FBXL17: variants seen among roughly 807,000 people sequenced by gnomAD.
FBXL17 encodes F-box and leucine rich repeat protein 17, also known as F-box/LRR-repeat protein 17.
FBXL17 carries 22 observed loss-of-function variants against 66.2 expected under a neutral mutation model. That is an observed-to-expected ratio of 0.33 (90% CI 0.24 to 0.47). FBXL17 has a LOEUF of 0.47. Among genes scored for constraint, FBXL17 ranks in the 20% least tolerant of loss-of-function variants. The probability of loss-of-function intolerance (pLI) is 1.00; values close to 1 mark genes in which losing one functional copy is unlikely to be tolerated. For missense variants in FBXL17, 878 were observed against 948.2 expected (o/e 0.93, Z 0.97); for synonymous variants, 474 against 400.5 (o/e 1.18, Z -2.19).
At chr5:107,895,357 T>G (rs190994490) in intron 7 of FBXL17, among the ~76,000 whole-genome samples, 4 of 152,134 alleles carry the variant, frequency 2.6e-5, no homozygotes, top group African/African-American at 9.7e-5. Flanking sequence ...TATAGATAGG[T>G]GCATCAGTTT....
At chr5:107,959,264 G>C (rs1444185614) in intron 7 of FBXL17, among the ~76,000 whole-genome samples, 1 of 152,062 alleles carries the variant, frequency 6.6e-6, no homozygotes, top group Non-Finnish European at 1.5e-5. Context: ...TTTGTGTACA[G>C]AGGGGTAGTC....
chr5:108,364,195 C>A (rs1440152091), intron 3 of FBXL17, among the ~76,000 whole-genome samples: 1 of 151,968 alleles, frequency 6.6e-6, no homozygotes, highest in East Asian at 1.9e-4. Context: ...AAATAATCCA[C>A]TCCGAGCCAA....
intron 6 of FBXL17, among the ~76,000 whole-genome samples, chr5:108,122,362 T>C (rs1750537324): frequency 6.6e-6 from 1 of 152,236 alleles, no homozygotes; most frequent in Non-Finnish European, 1.5e-5. Flanking sequence ...CTTGATTTCA[T>C]GTTCTTAACC....
chr5:108,273,214 A>G (rs1757347374), intron 4 of FBXL17, among the ~76,000 whole-genome samples: 1 of 152,190 alleles, frequency 6.6e-6, no homozygotes, highest in Admixed American at 6.5e-5. Flanking sequence ...GAGGCGGGAT[A>G]GCATTAGGAG....
At chr5:108,334,768 T>A (rs1361420185) in intron 4 of FBXL17, among the ~76,000 whole-genome samples, 2 of 152,230 alleles carry the variant, frequency 1.3e-5, no homozygotes, top group Non-Finnish European at 2.9e-5. Context: ...CAATACATTG[T>A]AATTCAACTA....
chr5:107,885,442 T>G (rs543878782), intron 7 of FBXL17, among the ~76,000 whole-genome samples: 1 of 152,276 alleles, frequency 6.6e-6, no homozygotes, highest in East Asian at 1.9e-4. Context: ...AGTACAAAAT[T>G]ACTTCCGTAT....
chr5:107,875,047 T>C (rs1303809815), intron 8 of FBXL17, among the ~76,000 whole-genome samples: 4 of 152,124 alleles, frequency 2.6e-5, no homozygotes, highest in South Asian at 2.1e-4. Context: ...GACTGCACAG[T>C]CTGACACTCC....
intron 3 of FBXL17, among the ~76,000 whole-genome samples, chr5:108,362,044 C>G (rs959336634): frequency 6.6e-6 from 1 of 152,120 alleles, no homozygotes; most frequent in East Asian, 1.9e-4. Context: ...AAACCTTTGA[C>G]GTTTCCAGAG....
intron 6 of FBXL17, among the ~76,000 whole-genome samples, chr5:108,153,282 G>A (rs1751840900): frequency 6.6e-6 from 1 of 152,040 alleles, no homozygotes; most frequent in Non-Finnish European, 1.5e-5. Context: ...ATTGAATCTT[G>A]AAATATGGAT....
At chr5:107,946,253 TTTTATATATATATATATATA>T (rs1234763407) in intron 7 of FBXL17, among the ~76,000 whole-genome samples, 1 of 63,490 alleles carries the variant, frequency 1.6e-5, no homozygotes, top group Non-Finnish European at 3.1e-5. Flanking sequence ...ATCAATCTCA[TTTTATATATATATATATATA>T]TATATATATA....
intron 6 of FBXL17, among the ~76,000 whole-genome samples, chr5:108,083,856 G>C (rs1441467508): frequency 6.6e-6 from 1 of 152,096 alleles, no homozygotes; most frequent in Non-Finnish European, 1.5e-5. Flanking sequence ...ACAGGGACCT[G>C]GGCCTGGAAT....
chr5:108,225,801 G>T (rs1755076276), intron 4 of FBXL17, among the ~76,000 whole-genome samples: 2 of 152,212 alleles, frequency 1.3e-5, no homozygotes, highest in South Asian at 2.1e-4. Flanking sequence ...CTCATTCATT[G>T]TCACTATCCT....
chr5:108,014,166 A>G (rs1281071737), intron 7 of FBXL17, among the ~76,000 whole-genome samples: 1 of 152,178 alleles, frequency 6.6e-6, no homozygotes, highest in Non-Finnish European at 1.5e-5. Context: ...TACCTATAGA[A>G]GACTGTTTCA....
intron 7 of FBXL17, among the ~76,000 whole-genome samples, chr5:107,975,587 T>C (rs139084880): frequency 4.5e-4 from 68 of 152,274 alleles, no homozygotes; most frequent in African/African-American, 1.6e-3. Flanking sequence ...CACTCTATTA[T>C]ATTAAAAAGT....
chr5:107,938,689 T>C lies in FBXL17; in HGVS notation c.1823-57510A>G, dbSNP rs946685164. 2.0e-5 allele frequency among the ~76,000 whole-genome samples: 3 copies of C among 152,118 alleles called. No individual in the cohort carries two copies. The East Asian group carries it at 5.8e-4, about 29-fold the overall frequency. ...TCTGCTTAGTGGTGATATATTAGTA[T>C]ACTCTCCAGAGAGCTTCCAACCCGA... On this transcript the variant is annotated intron_variant, in intron 7 of 8. Coordinates refer to ENST00000542267, the MANE Select transcript of FBXL17 (RefSeq NM_001163315.3).
At chr5:108,349,988 C>A (rs1747538946) in intron 3 of FBXL17, among the ~76,000 whole-genome samples, 1 of 152,156 alleles carries the variant, frequency 6.6e-6, no homozygotes, top group Admixed American at 6.5e-5. Flanking sequence ...ATCACTGTTG[C>A]AGATACCTTG....
At chr5:107,869,570 C>T (rs894928153) in intron 8 of FBXL17, among the ~76,000 whole-genome samples, 2 of 152,170 alleles carry the variant, frequency 1.3e-5, no homozygotes, top group African/African-American at 2.4e-5. Context: ...TTTCCAGGAT[C>T]CTGCACAGCT....
At chr5:108,322,729 T>C (rs1759674973) in intron 4 of FBXL17, among the ~76,000 whole-genome samples, 2 of 151,928 alleles carry the variant, frequency 1.3e-5, no homozygotes, top group Non-Finnish European at 2.9e-5. Context: ...TAAATTTCCA[T>C]CAATAATTTA....
At chr5:107,927,354 C>T (rs1750558371) in intron 7 of FBXL17, among the ~76,000 whole-genome samples, 3 of 152,088 alleles carry the variant, frequency 2.0e-5, no homozygotes, top group South Asian at 4.1e-4. Context: ...AATGCAATGG[C>T]TACTCTGACT....
Sources: gnomAD v4.1 joint callset for allele counts (sites outside exome capture counted in the v4.1 genomes callset) on GRCh38, gnomAD v4.1.1 for gene constraint, MANE v1.5 for transcripts, NCBI Gene and HGNC (gene_info 2026-07-23, HGNC 2026-07-21) for gene names.